Variants in NACC2 observed in about 807,000 individuals in gnomAD.
NACC2 encodes nucleus accumbens-associated protein 2.
In NACC2, 8 loss-of-function variants were observed where a neutral mutation model predicts 25.1. The observed-to-expected ratio is 0.32, with a 90% CI of 0.19 to 0.57. The LOEUF is 0.57. Ranked by LOEUF, NACC2 falls within the 20% of genes least tolerant of loss-of-function variation. The pLI, the probability that NACC2 is intolerant of heterozygous loss-of-function variation, is 0.89. For synonymous variants in NACC2, 435 were observed against 294.7 expected (o/e 1.48, Z -4.88); for missense variants, 644 against 650.2 (o/e 0.99, Z 0.10).
intron 1 of NACC2, among the ~76,000 whole-genome samples, chr9:136,092,892 T>C (rs1235474864): frequency 6.6e-6 from 1 of 152,082 alleles, no homozygotes; most frequent in East Asian, 1.9e-4. Flanking sequence ...TGCGTGACCC[T>C]GCAAAGGGGA....
intron 1 of NACC2, among the ~76,000 whole-genome samples, chr9:136,078,935 A>C (rs1178137921): frequency 1.3e-5 from 2 of 152,258 alleles, no homozygotes; most frequent in African/African-American, 2.4e-5. Context: ...CACGGGGAGC[A>C]GATGCCCTTA....
At chr9:136,024,449 AG>A (rs1330380746) in intron 2 of NACC2, among the ~76,000 whole-genome samples, 1 of 109,866 alleles carries the variant, frequency 9.1e-6, no homozygotes, top group Admixed American at 9.5e-5. Flanking sequence ...GTGAGGACAG[AG>A]GGTATGTGTG....
chr9:136,049,890 GCCGCCACCGCAGCCCCCGCGGCCA>G lies in NACC2; in HGVS notation c.608_631del (p.Val203_Ala210del). ...GGGCAGTTTGAGAGGGGCTGTGCCCGCCGCCACCGCAGCCCCCGCGGCCACCGCCACGCCGTCCCGGGGCCCCGT... is the reference window on the plus strand; with the variant it reads ...GGGCAGTTTGAGAGGGGCTGTGCCCGCCGCCACGCCGTCCCGGGGCCCCGT... On this transcript the variant is annotated inframe_deletion, in exon 2 of 6. Coordinates refer to ENST00000277554, the MANE Select transcript of NACC2 (RefSeq NM_144653.5). 1 of 592,064 alleles carries G rather than the reference GCCGCCACCGCAGCCCCCGCGGCCA, an allele frequency of 1.7e-6. No individual in the cohort carries two copies. The highest frequency in any genetic ancestry group is 3.1e-6 in the Non-Finnish European group (1 of 327,666). 36.7% of individuals were successfully genotyped at this position (592,064 alleles called of 1,614,324 possible). A position where few individuals can be genotyped will look rare whatever the true frequency, so the allele number is the denominator to read the frequency against.
intron 1 of NACC2, among the ~76,000 whole-genome samples, chr9:136,052,484 G>T (rs986178783): frequency 4.5e-4 from 68 of 152,132 alleles, no homozygotes; most frequent in African/African-American, 1.6e-3. Flanking sequence ...AGCCAGGGAA[G>T]GGGAGGGGAG....
At chr9:136,012,075 G>A (rs369574111) in intron 5 of NACC2, 51 bp from the exon 6 acceptor site, 6 of 1,464,202 alleles carry the variant, frequency 4.1e-6, no homozygotes, top group Admixed American at 2.2e-5. Flanking sequence ...CGGGAGGCCC[G>A]CCCCTCCCCA....
intron 2 of NACC2, among the ~76,000 whole-genome samples, chr9:136,035,849 G>T (rs1379410212): frequency 1.3e-5 from 2 of 152,154 alleles, no homozygotes; most frequent in Non-Finnish European, 2.9e-5. Context: ...AATTGTGAAG[G>T]GGATACAGAA....
At chr9:136,070,349 T>C (rs377617408) in intron 1 of NACC2, among the ~76,000 whole-genome samples, 16 of 149,380 alleles carry the variant, frequency 1.1e-4, no homozygotes, top group East Asian at 9.8e-4. Flanking sequence ...CTACTAAAAA[T>C]GCAAAAAAAT....
chr9:136,093,890 A>G (rs1456539928), intron 1 of NACC2, among the ~76,000 whole-genome samples: 1 of 152,196 alleles, frequency 6.6e-6, no homozygotes, highest in Non-Finnish European at 1.5e-5. Flanking sequence ...CTACAGGCTA[A>G]AACACCCTGC....
At chr9:136,057,534 G>A (rs1364147739) in intron 1 of NACC2, among the ~76,000 whole-genome samples, 1 of 152,246 alleles carries the variant, frequency 6.6e-6, no homozygotes, top group Non-Finnish European at 1.5e-5. Context: ...GTTTCGAAAA[G>A]AGCCGACAAT....
At chr9:136,083,822 G>T (rs943607744) in intron 1 of NACC2, among the ~76,000 whole-genome samples, 3 of 152,214 alleles carry the variant, frequency 2.0e-5, no homozygotes, top group Non-Finnish European at 4.4e-5. Context: ...CATCTCGACC[G>T]CTGCTGAGGG....
intron 2 of NACC2, among the ~76,000 whole-genome samples, chr9:136,046,918 C>G (rs1840734299): frequency 6.6e-6 from 1 of 152,176 alleles, no homozygotes; most frequent in African/African-American, 2.4e-5. Context: ...GAGAACAGCC[C>G]TACAGGACAA....
In NACC2 at chr9:136,018,218, G is replaced by A. The variant is rs2131136258; in HGVS notation, c.887-1789C>T. Among the ~76,000 whole-genome samples, 1 of 152,252 alleles carries A rather than the reference G, an allele frequency of 6.6e-6. No individual in the cohort carries two copies. The highest frequency in any genetic ancestry group is 2.4e-5 in the African/African-American group (1 of 41,566). ...CCAGTCCCTCCATGACCCCCACCTT[G>A]GAGAGTCACAGAAAAACTCTACAGG... On this transcript the variant is annotated intron_variant, in intron 2 of 5. Coordinates refer to ENST00000277554, the MANE Select transcript of NACC2 (RefSeq NM_144653.5). This position sits in a 1 kb window ranked among gnomAD's most constrained non-coding sequence, Gnocchi z 4.4.
intron 2 of NACC2, 117 bp downstream of exon 2, chr9:136,049,519 G>C: frequency 1.6e-6 from 1 of 614,754 alleles, no homozygotes; most frequent in Non-Finnish European, 2.9e-6. Context: ...CAGGCTTGGT[G>C]GGGGGCTCCC....
intron 2 of NACC2, among the ~76,000 whole-genome samples, chr9:136,039,216 A>G (rs1385790856): frequency 6.6e-6 from 1 of 152,236 alleles, no homozygotes; most frequent in East Asian, 1.9e-4. Flanking sequence ...AAATGACATG[A>G]AAGACCATTA....
chr9:136,086,457 G>C lies in NACC2; in HGVS notation c.-60+8732C>G, dbSNP rs901269440. 1.3e-4 allele frequency among the ~76,000 whole-genome samples: 20 copies of C among 152,146 alleles called. No individual in the cohort carries two copies. Among genetic ancestry groups the C allele is most frequent in the Non-Finnish European group, 2.9e-4 (20 of 68,006 alleles). On this transcript the variant is annotated intron_variant, in intron 1 of 5. Transcript: ENST00000277554. This position sits in a 1 kb window ranked among gnomAD's most constrained non-coding sequence, Gnocchi z 5.6. The stretch of plus-strand genomic sequence containing the variant: ...AGGTCCCAGGTCTGCGAGCGGCTGG[G>C]CTTCCCTGAGGTCTGGCTTGGTGTG...
chr9:136,023,587 C>T (rs1487170615), intron 2 of NACC2, among the ~76,000 whole-genome samples: 3 of 152,232 alleles, frequency 2.0e-5, no homozygotes, highest in African/African-American at 7.2e-5. Flanking sequence ...CTCAAGAAGT[C>T]CCCAAGTGGT....
chr9:136,030,829 C>A (rs1840462391), intron 2 of NACC2, among the ~76,000 whole-genome samples: 1 of 151,846 alleles, frequency 6.6e-6, no homozygotes, highest in Non-Finnish European at 1.5e-5. Context: ...GCCTGGCTAA[C>A]TTTTTGTATT....
At chr9:136,021,172 C>T (rs953206814) in intron 2 of NACC2, among the ~76,000 whole-genome samples, 4 of 152,264 alleles carry the variant, frequency 2.6e-5, no homozygotes, top group South Asian at 2.1e-4. Context: ...AAAGAAATCT[C>T]GATACTCAAC....
intron 1 of NACC2, 113 bp from the exon 2 acceptor site, chr9:136,050,693 C>T (rs2131162959): frequency 4.8e-6 from 3 of 627,848 alleles, no homozygotes; most frequent in African/African-American, 1.8e-5. Flanking sequence ...GCGAGCCTTC[C>T]GCACGCGCCC....
Sources: allele counts gnomAD v4.1 joint callset (sites outside exome capture counted in the v4.1 genomes callset), GRCh38; gene constraint gnomAD v4.1.1; non-coding constraint Gnocchi (gnomAD v3.1); transcripts MANE v1.5; gene names NCBI Gene and HGNC (gene_info 2026-07-23, HGNC 2026-07-21).